CAPN7: variants seen among roughly 807,000 people sequenced by gnomAD.
CAPN7 encodes the protein calpain 7.
A neutral mutation model predicts 115.2 loss-of-function variants in CAPN7; 72 were observed. The ratio of observed to expected loss-of-function variants is 0.63; its 90% CI spans 0.52 to 0.76. The LOEUF (loss-of-function observed/expected upper bound fraction) is 0.76. CAPN7 is among the 30% of genes least tolerant of loss of function. CAPN7 has a pLI of 0.00. For missense variants in CAPN7, 905 were observed against 971.5 expected, an observed-to-expected ratio of 0.93 and a Z score of 0.91; for synonymous variants, 344 against 322.3, an observed-to-expected ratio of 1.07 and a Z score of -0.72.
intron 19 of CAPN7, among the ~76,000 whole-genome samples, chr3:15,249,971 G>GC (rs1430984478): frequency 6.6e-6 from 1 of 151,558 alleles, no homozygotes; most frequent in African/African-American, 2.4e-5. Flanking sequence ...CAACATGTTG[G>GC]CCAGGATGCT....
chr3:15,217,015 A>T (rs113395894), intron 2 of CAPN7, among the ~76,000 whole-genome samples: 3 of 151,596 alleles, frequency 2.0e-5, no homozygotes, highest in Non-Finnish European at 4.4e-5. Context: ...AAACTGGCAG[A>T]TTGCTTGAGC....
chr3:15,219,654 C>T (rs576659745), intron 4 of CAPN7, among the ~76,000 whole-genome samples: 15 of 152,154 alleles, frequency 9.9e-5, no homozygotes, highest in Non-Finnish European at 1.8e-4. Context: ...ACTTATGGAT[C>T]CATTCTCTAG....
At position 15,223,551 on chromosome 3, in the gene CAPN7, A is replaced by G. The variant is rs764072733; in HGVS notation, c.715A>G (p.Met239Val). The change falls in exon 6 of 21, where the codon ATG becomes GTG. Residue 239 changes from methionine to valine, a missense_variant. Met to Val is a conservative substitution (Grantham distance 21). This residue lies in a region of CAPN7 where 620 missense variants were observed against 703.4 expected (regional missense o/e 0.88). Transcript: ENST00000253693. Reference sequence around the variant, plus strand: ...CCTGAGAGAACGTTTTGCCTATCCAATGCCTTTCTGGTAAGTAAGCACTGT... The same window carrying G: ...CCTGAGAGAACGTTTTGCCTATCCAGTGCCTTTCTGGTAAGTAAGCACTGT... ...VDLRERFAYP[M>V]PFCDRWGKLP... is the part of the protein sequence containing the mutation. 2.9e-5 allele frequency: 46 copies of G among 1,595,440 alleles called. No individual in the cohort carries two copies. The highest frequency in any genetic ancestry group is 1.7e-4 in the Middle Eastern group (1 of 6,032).
chr3:15,227,927 A>T lies in CAPN7; in HGVS notation c.814A>T (p.Thr272Ser), dbSNP rs3752838. 9.7e-6 allele frequency: 15 copies of T among 1,549,956 alleles called. No individual in the cohort carries two copies. Among genetic ancestry groups the T allele is most frequent in the Middle Eastern group, 3.4e-4 (2 of 5,876 alleles). Residue 272 changes from threonine to serine, a missense_variant, in exon 7 of 21, where the codon ACA becomes TCA. By Grantham distance (58) the Thr-to-Ser change is moderately conservative. Coordinates refer to ENST00000253693, the MANE Select transcript of CAPN7 (RefSeq NM_014296.3). ...VRPEDLTNNP[T>S]MIYTVSSFSI... ...ACCAGAAGACCTCACCAACAATCCT[A>T]CAATGATATATACTGTGTCCAGTTT... is the stretch of plus-strand genomic sequence containing the variant.
intron 19 of CAPN7, among the ~76,000 whole-genome samples, chr3:15,248,443 C>T (rs1009825555): frequency 3.3e-5 from 5 of 152,044 alleles, no homozygotes; most frequent in African/African-American, 1.2e-4. Context: ...CAAGAACAGA[C>T]AAAACTGAAA....
intron 12 of CAPN7, among the ~76,000 whole-genome samples, chr3:15,238,842 A>G (rs1192212119): frequency 6.7e-6 from 1 of 149,232 alleles, no homozygotes; most frequent in East Asian, 1.9e-4. Context: ...TGCTTCAGCA[A>G]AATCAAATTT....
At chr3:15,210,018 A>T (rs1379953605) in intron 1 of CAPN7, among the ~76,000 whole-genome samples, 2 of 152,162 alleles carry the variant, frequency 1.3e-5, no homozygotes, top group Non-Finnish European at 2.9e-5. Flanking sequence ...TTTATTTTTC[A>T]GAGACAGGGT....
chr3:15,227,984 T>C lies in CAPN7; in HGVS notation c.852+19T>C. The C allele has an allele frequency of 3.5e-6, 5 of 1,409,380 alleles. No individual in the cohort carries two copies. The highest frequency in any genetic ancestry group is 4.7e-6 in the Non-Finnish European group (5 of 1,074,758). The allele number at this position is 1,409,380 out of a possible 1,614,324, so 87.3% of individuals were successfully genotyped here. A position where few individuals can be genotyped will look rare whatever the true frequency, so the allele number is the denominator to read the frequency against. ...AAAGCAGGTGAGCATTTATTTTGTATGATTTTATAGAAAAGTCAGCATTTT... is the reference window on the plus strand; with the variant it reads ...AAAGCAGGTGAGCATTTATTTTGTACGATTTTATAGAAAAGTCAGCATTTT... On this transcript the variant is annotated intron_variant, in intron 7 of 20. Transcript: ENST00000253693.
At chr3:15,242,068 A>G (rs1360647492) in intron 15 of CAPN7, 110 bp from the exon 16 acceptor site, 11 of 704,538 alleles carry the variant, frequency 1.6e-5, no homozygotes, top group Non-Finnish European at 2.2e-5. Flanking sequence ...TCTTAAAATT[A>G]GAGATTTTTT....
chr3:15,209,936 C>A (rs1048412757), intron 1 of CAPN7, among the ~76,000 whole-genome samples: 3 of 152,120 alleles, frequency 2.0e-5, no homozygotes, highest in Non-Finnish European at 4.4e-5. Context: ...CTATTTATTT[C>A]TTGTCAGTTT....
rs764084169 is a variant in CAPN7, at chr3:15,247,425, T to G, written c.2172T>G (p.Thr724=). Reference sequence around the variant, plus strand: ...TCTACCAATTCCATATAGAAAAGACTGGGCCGTTACTGATTGAGCTACGAG... The same window carrying G: ...TCTACCAATTCCATATAGAAAAGACGGGGCCGTTACTGATTGAGCTACGAG... ...NPIYQFHIEK[T]GPLLIELRGP... The change falls in exon 19 of 21, where the codon ACT becomes ACG. Residue 724 remains threonine (T), a synonymous_variant. Coordinates refer to ENST00000253693, the MANE Select transcript of CAPN7 (RefSeq NM_014296.3). 6.2e-7 allele frequency: 1 copy of G among 1,608,228 alleles called. No individual in the cohort carries two copies. Among genetic ancestry groups the G allele is most frequent in the Admixed American group, 1.7e-5 (1 of 58,750 alleles).
intron 6 of CAPN7, among the ~76,000 whole-genome samples, chr3:15,224,692 C>G (rs895812622): frequency 6.6e-6 from 1 of 151,714 alleles, no homozygotes; most frequent in Non-Finnish European, 1.5e-5. Flanking sequence ...TAACCTCTTT[C>G]AGTACTTTTT....
At chr3:15,230,644 T>TA in intron 9 of CAPN7, 109 bp downstream of exon 9, 4 of 671,864 alleles carry the variant, frequency 6.0e-6, no homozygotes, top group Non-Finnish European at 1.1e-5. Flanking sequence ...TTTTAAAAGT[T>TA]AGAGTCTGTG....
intron 5 of CAPN7, among the ~76,000 whole-genome samples, chr3:15,222,590 C>T (rs1397657866): frequency 1.3e-5 from 2 of 152,126 alleles, no homozygotes; most frequent in Non-Finnish European, 2.9e-5. Context: ...ATTGCATGTG[C>T]ACCAACACAG....
Position 15,245,595 on chromosome 3 carries a change from CCA to C in CAPN7, c.1938_1939del (p.Pro647TrpfsTer13). 6.2e-7 allele frequency: 1 copy of C among 1,613,868 alleles called. No homozygotes were observed. The highest frequency in any genetic ancestry group is 8.5e-7 in the Non-Finnish European group (1 of 1,179,862). ...CATTATTTGACTAAGATAAAGCTGA[CCA>C]CACCTGGCACCCATACCTTTACATT... is the stretch of plus-strand genomic sequence containing the variant. On this transcript the variant is annotated frameshift_variant, in exon 17 of 21. Transcript: ENST00000253693. LOFTEE classifies it high-confidence loss of function.
At chr3:15,235,621 A>G (rs965798087) in intron 12 of CAPN7, among the ~76,000 whole-genome samples, 1 of 152,172 alleles carries the variant, frequency 6.6e-6, no homozygotes, top group South Asian at 2.1e-4. Flanking sequence ...TTAGATTCTC[A>G]TAAGGGGAAC....
intron 19 of CAPN7, 28 bp downstream of exon 19, chr3:15,247,485 AATG>A (rs1695735384): frequency 6.4e-7 from 1 of 1,566,788 alleles, no homozygotes; most frequent in Non-Finnish European, 8.6e-7. Context: ...TTCTTAAATT[AATG>A]ATGTTCTATT....
At chr3:15,217,384 T>G (rs773441049) in intron 2 of CAPN7, 41 bp from the exon 3 acceptor site, 1 of 1,469,268 alleles carries the variant, frequency 6.8e-7, no homozygotes, top group Non-Finnish European at 9.1e-7. Flanking sequence ...CTGGCTGTAT[T>G]TAGATAATAC....
At chr3:15,212,437 C>T (rs2045010290) in intron 2 of CAPN7, among the ~76,000 whole-genome samples, 1 of 152,194 alleles carries the variant, frequency 6.6e-6, no homozygotes, top group Non-Finnish European at 1.5e-5. Context: ...TTCCTAATTT[C>T]CCAGAGTGCA....
Sources: gnomAD v4.1 joint callset for allele counts (sites outside exome capture counted in the v4.1 genomes callset) on GRCh38, gnomAD v4.1.1 for gene constraint, gnomAD v4.1.1 regional missense constraint, MANE v1.5 for transcripts, NCBI Gene and HGNC (gene_info 2026-07-23, HGNC 2026-07-21) for gene names.